EZH2: variants seen among roughly 807,000 people sequenced by gnomAD.
The protein encoded by EZH2 is histone-lysine N-methyltransferase EZH2.
In EZH2, 18 loss-of-function variants were observed where a neutral mutation model predicts 98.4. The ratio of observed to expected loss-of-function variants is 0.18; its 90% CI spans 0.13 to 0.27. The LOEUF (loss-of-function observed/expected upper bound fraction) is 0.27. EZH2 is among the 10% of genes least tolerant of loss of function. The probability of loss-of-function intolerance (pLI) is 1.00; values close to 1 mark genes in which losing one functional copy is unlikely to be tolerated. For missense variants in EZH2, 470 were observed against 935.1 expected, an observed-to-expected ratio of 0.50 and a Z score of 6.49; for synonymous variants, 338 against 312.3, an observed-to-expected ratio of 1.08 and a Z score of -0.87.
chr7:148,849,771 T>C (rs946253466), intron 1 of EZH2, among the ~76,000 whole-genome samples: 1 of 152,220 alleles, frequency 6.6e-6, no homozygotes, highest in Non-Finnish European at 1.5e-5. Flanking sequence ...TGCTAGTTAG[T>C]TAACAGATGA....
intron 8 of EZH2, among the ~76,000 whole-genome samples, chr7:148,822,948 C>CA (rs1234642408): frequency 1.3e-5 from 2 of 151,636 alleles, no homozygotes; most frequent in African/African-American, 2.4e-5. Context: ...CTCACAAAAT[C>CA]AAAAAAACAA....
chr7:148,868,795 T>C (rs1434400126), intron 1 of EZH2, among the ~76,000 whole-genome samples: 1 of 152,200 alleles, frequency 6.6e-6, no homozygotes, highest in Non-Finnish European at 1.5e-5. Context: ...TCATTCTTTA[T>C]TTGAATAGCC....
intron 16 of EZH2, among the ~76,000 whole-genome samples, chr7:148,811,180 C>T (rs375647859): frequency 1.3e-5 from 2 of 152,276 alleles, no homozygotes; most frequent in African/African-American, 2.4e-5. Context: ...CTCACTTTGT[C>T]GCCCAGGCCG....
At chr7:148,841,881 T>A (rs896397042) in intron 3 of EZH2, among the ~76,000 whole-genome samples, 5 of 152,212 alleles carry the variant, frequency 3.3e-5, no homozygotes, top group African/African-American at 9.6e-5. Flanking sequence ...ATTATTTTGA[T>A]AGAAGCTTCT....
intron 10 of EZH2, 183 bp downstream of exon 10, chr7:148,817,694 A>G: frequency 1.2e-6 from 1 of 836,074 alleles, no homozygotes; most frequent in Non-Finnish European, 1.9e-6. Flanking sequence ...GGCAAACACC[A>G]CAAGCTAGGG....
intron 1 of EZH2, among the ~76,000 whole-genome samples, chr7:148,853,238 C>G (rs1292529490): frequency 6.6e-6 from 1 of 152,074 alleles, no homozygotes; most frequent in Non-Finnish European, 1.5e-5. Context: ...ATGGTAAAAC[C>G]CTGTTTCTAC....
intron 4 of EZH2, among the ~76,000 whole-genome samples, chr7:148,832,107 T>C (rs548921666): frequency 6.6e-6 from 1 of 152,254 alleles, no homozygotes; most frequent in East Asian, 1.9e-4. Context: ...TTTTGTTTTT[T>C]TCAGACAGGG....
intron 6 of EZH2, among the ~76,000 whole-genome samples, chr7:148,828,346 T>C (rs1005196561): frequency 2.0e-5 from 3 of 152,234 alleles, no homozygotes; most frequent in African/African-American, 7.2e-5. Flanking sequence ...GCTTTTTTTT[T>C]TCTTTTTTAA....
intron 1 of EZH2, among the ~76,000 whole-genome samples, chr7:148,867,313 C>G (rs1157144528): frequency 1.3e-5 from 2 of 151,932 alleles, no homozygotes; most frequent in Non-Finnish European, 2.9e-5. Context: ...GCAAAAAGAG[C>G]AAAACTCCCA....
intron 3 of EZH2, among the ~76,000 whole-genome samples, chr7:148,835,493 A>T (rs530942948): frequency 1.1e-3 from 173 of 151,964 alleles, no homozygotes; most frequent in Non-Finnish European, 1.9e-3. Flanking sequence ...CAACTTATTA[A>T]TACTACCAAG....
chr7:148,814,063 G>T lies in EZH2; in HGVS notation c.1747C>A (p.Arg583=), dbSNP rs760824107. Residue 583 remains arginine, a synonymous_variant, in exon 15 of 20, where the codon CGA becomes AGA. Coordinates refer to ENST00000320356, the MANE Select transcript of EZH2 (RefSeq NM_004456.5). ...AGACAGAGGTCAGGGTCACACTCTC[G>T]GACAGCCAGGTAGCACGGGCACTGC... ...TKQCPCYLAV[R]ECDPDLCLTC... 4 of 1,614,130 alleles carry T rather than the reference G, an allele frequency of 2.5e-6. No individual in the cohort carries two copies. In the South Asian group the frequency reaches 3.3e-5, roughly 13 times the overall value.
In EZH2 at chr7:148,818,034, T is replaced by G; in HGVS notation, c.1083A>C (p.Gly361=). 1 of 1,614,168 alleles carries G rather than the reference T, an allele frequency of 6.2e-7. No individual in the cohort carries two copies. Among genetic ancestry groups the G allele is most frequent in the Non-Finnish European group, 8.5e-7 (1 of 1,180,034 alleles). ...GCCTGCTACTGTTATTGGGAAGCCG[T>G]CCTCTTCTGCGGCCTCCTGGACGTT... is the stretch of plus-strand genomic sequence containing the variant. ...PPKRPGGRRR[G]RLPNNSSRPS... The change falls in exon 10 of 20, where the codon GGA becomes GGC. Residue 361 remains glycine (G), a synonymous_variant. Transcript: ENST00000320356.
rs568496806 is a variant in EZH2 at position 148,812,048 on chromosome 7, C to T, written c.1852-328G>A. ...CCCTGTATCTTCAGCCCTTGATTTCCTCGAGTAATTCACTTTCAACCTGAA... is the reference window on the plus strand; with the variant it reads ...CCCTGTATCTTCAGCCCTTGATTTCTTCGAGTAATTCACTTTCAACCTGAA... On this transcript the variant is annotated intron_variant, in intron 15 of 19. Transcript: ENST00000320356. 2.0e-5 allele frequency among the ~76,000 whole-genome samples: 3 copies of T among 152,302 alleles called. No homozygotes were observed. In the East Asian group the frequency reaches 5.8e-4, roughly 29 times the overall value.
intron 1 of EZH2, chr7:148,850,410 A>G: frequency 2.5e-6 from 2 of 809,822 alleles, no homozygotes; most frequent in Non-Finnish European, 3.0e-6. Flanking sequence ...CTTGTCTAAT[A>G]TTCTGGAAGA....
At chr7:148,839,484 G>A (rs1404882844) in intron 3 of EZH2, among the ~76,000 whole-genome samples, 1 of 141,052 alleles carries the variant, frequency 7.1e-6, no homozygotes, top group South Asian at 2.5e-4. Context: ...AAAATTAAAA[G>A]AAAAAACTGT....
intron 1 of EZH2, among the ~76,000 whole-genome samples, chr7:148,860,010 T>TA (rs925471874): frequency 3.9e-5 from 6 of 152,026 alleles, no homozygotes; most frequent in South Asian, 2.1e-4. Context: ...AAGCCAAATT[T>TA]AAAAAAACTG....
chr7:148,818,884 A>G, intron 9 of EZH2: 1 of 357,526 alleles, frequency 2.8e-6, no homozygotes, highest in Admixed American at 3.8e-5. Flanking sequence ...CAAGAATTCC[A>G]TTTTTTTAGT....
At chr7:148,840,026 TG>T (rs34258200) in intron 3 of EZH2, among the ~76,000 whole-genome samples, 1,763 of 152,360 alleles carry the variant, frequency 0.012, 28 homozygotes, top group African/African-American at 0.04. Flanking sequence ...TTTTACCTAT[TG>T]GACTGAAGAT....
chr7:148,811,090 C>T (rs1350322346), intron 16 of EZH2, among the ~76,000 whole-genome samples: 4 of 152,060 alleles, frequency 2.6e-5, no homozygotes, highest in Non-Finnish European at 5.9e-5. Context: ...TCCCTGTTGT[C>T]CCTAGACGAG....
Sources: gnomAD v4.1 joint callset for allele counts (sites outside exome capture counted in the v4.1 genomes callset) on GRCh38, gnomAD v4.1.1 for gene constraint, MANE v1.5 for transcripts, NCBI Gene and HGNC (gene_info 2026-07-23, HGNC 2026-07-21) for gene names.